Variants in TBCE observed in about 807,000 individuals in gnomAD.
TBCE encodes the protein tubulin folding cofactor E, also known as tubulin-specific chaperone E.
Under a neutral mutation model 77.0 loss-of-function variants are expected in TBCE, and 53 were observed. The observed-to-expected ratio is 0.69, with a 90% CI of 0.55 to 0.87. TBCE has a LOEUF of 0.87. Among genes scored for constraint, TBCE ranks in the 40% least tolerant of loss-of-function variants. TBCE has a pLI of 0.00. For missense variants in TBCE, 624 were observed against 622.4 expected, an observed-to-expected ratio of 1.00 and a Z score of -0.03; for synonymous variants, 235 against 241.3, an observed-to-expected ratio of 0.97 and a Z score of 0.24.
intron 1 of TBCE, among the ~76,000 whole-genome samples, chr1:235,379,042 G>A (rs1677461704): frequency 6.6e-6 from 1 of 152,060 alleles, no homozygotes; most frequent in South Asian, 2.1e-4. Context: ...GGATTCCAAG[G>A]CATCAGGTAG....
chr1:235,440,414 T>C (rs1171709779), intron 13 of TBCE, among the ~76,000 whole-genome samples: 2 of 151,804 alleles, frequency 1.3e-5, no homozygotes, highest in Non-Finnish European at 2.9e-5. Context: ...TTTTTTGAGA[T>C]GGTGTTTCGC....
intron 1 of TBCE, among the ~76,000 whole-genome samples, chr1:235,376,538 T>G (rs978261436): frequency 1.3e-5 from 2 of 152,188 alleles, no homozygotes; most frequent in African/African-American, 4.8e-5. Flanking sequence ...TGCAGTCATT[T>G]TATTCGTCCC....
At chr1:235,410,328 A>G (rs1404408633) in intron 3 of TBCE, among the ~76,000 whole-genome samples, 1 of 152,116 alleles carries the variant, frequency 6.6e-6, no homozygotes, top group Non-Finnish European at 1.5e-5. Context: ...GCCCATTTTT[A>G]TGGTTATTTC....
Position 235,419,519 on chromosome 1 carries a change from A to G in TBCE, c.418A>G (p.Ser140Gly). 1 of 1,614,036 alleles carries G rather than the reference A, an allele frequency of 6.2e-7. No homozygotes were observed. Among genetic ancestry groups the G allele is most frequent in the Non-Finnish European group, 8.5e-7 (1 of 1,180,022 alleles). Residue 140 changes from serine to glycine, a missense_variant, in exon 5 of 17, where the codon AGT becomes GGT. By Grantham distance (56) the Ser-to-Gly change is moderately conservative (BLOSUM62 0). Transcript: ENST00000642610. ...QEVSLRNCAVSCAGEKGGVAE... is the reference protein window; with the variant it reads ...QEVSLRNCAVGCAGEKGGVAE... ...AGTTTCTCTGAGGAACTGTGCAGTA[A>G]GTTGTGCTGGTGAAAAAGGAGGAGT...
Position 235,436,438 on chromosome 1 carries a change from G to C in TBCE, c.886G>C (p.Asp296His). The change falls in exon 10 of 17, where the codon GAT (aspartate) becomes CAT (histidine). Residue 296 changes from aspartate to histidine, a missense_variant. Physicochemically the swap from Asp to His is moderately conservative, Grantham distance 81 (BLOSUM62 -1). Coordinates refer to ENST00000642610, the MANE Select transcript of TBCE (RefSeq NM_003193.5). ...DTGISSLHFP[D>H]AGIGCKTSMF... ...TGGAATTTCTTCTCTACATTTTCCG[G>C]ATGCTGGAATTGGTATATAAGATTA... 6.2e-7 allele frequency: 1 copy of C among 1,614,002 alleles called. No individual in the cohort carries two copies. The highest frequency in any genetic ancestry group is 8.5e-7 in the Non-Finnish European group (1 of 1,179,956).
intron 5 of TBCE, 66 bp from the exon 6 acceptor site, chr1:235,427,067 GGAATTAA>G (rs1680762762): frequency 4.7e-6 from 5 of 1,066,654 alleles, no homozygotes; most frequent in Non-Finnish European, 7.2e-6. Flanking sequence ...CTCATGCTCT[GGAATTAA>G]GAGTAACTCC....
At position 235,439,793 on chromosome 1, in the gene TBCE, G is replaced by GC. The variant is rs776480667; in HGVS notation, c.1270+872dup. Among the ~76,000 whole-genome samples, 321 of 151,468 alleles carry GC rather than the reference G, an allele frequency of 2.1e-3. 2 individuals are homozygous for GC. The highest frequency in any genetic ancestry group is 2.7e-3 in the Non-Finnish European group (183 of 67,784). Reference sequence around the variant, plus strand: ...GTGAGCCACCGTGCGTAGCAGGAAAGCATTTCTTTTTCTTTTTTTTTCTTT... The same window carrying GC: ...GTGAGCCACCGTGCGTAGCAGGAAAGCCATTTCTTTTTCTTTTTTTTTCTTT... On this transcript the variant is annotated intron_variant, in intron 13 of 16. Transcript: ENST00000642610.
chr1:235,436,687 C>A, intron 11 of TBCE, 79 bp downstream of exon 11: 1 of 1,373,744 alleles, frequency 7.3e-7, no homozygotes. Context: ...TTCCTTCTAC[C>A]AAAAAAGTAA....
chr1:235,370,745 CTT>C (rs747282905), intron 1 of TBCE, among the ~76,000 whole-genome samples: 10 of 78,192 alleles, frequency 1.3e-4, no homozygotes, highest in Non-Finnish European at 1.3e-4. Flanking sequence ...CTTGTCTTTT[CTT>C]TTTTTTTTTT....
At chr1:235,437,578 G>T in intron 12 of TBCE, 104 bp downstream of exon 12, 1 of 1,381,658 alleles carries the variant, frequency 7.2e-7, no homozygotes, top group Non-Finnish European at 1.0e-6. Flanking sequence ...TTGGGAGGCT[G>T]GGGCAGGCTG....
intron 2 of TBCE, among the ~76,000 whole-genome samples, chr1:235,383,909 A>T (rs1389034252): frequency 1.3e-5 from 2 of 152,142 alleles, no homozygotes. Flanking sequence ...TTCAAAGGGA[A>T]TGCTTCCAGT....
chr1:235,389,102 C>T (rs993083647), intron 2 of TBCE, among the ~76,000 whole-genome samples: 4 of 152,140 alleles, frequency 2.6e-5, no homozygotes, highest in African/African-American at 9.7e-5. Flanking sequence ...GGAGATAAGT[C>T]CCAATTCTTG....
At chr1:235,445,673 T>C (rs1466262133) in intron 15 of TBCE, among the ~76,000 whole-genome samples, 1 of 152,002 alleles carries the variant, frequency 6.6e-6, no homozygotes, top group Non-Finnish European at 1.5e-5. Flanking sequence ...CAATATCTTT[T>C]TTTTTATCCA....
Position 235,402,573 on chromosome 1 carries a change from C to T in TBCE, c.185+986C>T, listed in dbSNP as rs187051723. On this transcript the variant is annotated intron_variant, in intron 3 of 16. Coordinates refer to ENST00000642610, the MANE Select transcript of TBCE (RefSeq NM_003193.5). The stretch of plus-strand genomic sequence containing the variant: ...GTATGGTACAGTGAACACAATACTG[C>T]CCTGGAAATCAGGGGGCCTCTAGCC... Among the ~76,000 whole-genome samples, 528 of 152,214 alleles carry T rather than the reference C, an allele frequency of 3.5e-3. 5 individuals carry two copies. Among genetic ancestry groups the T allele is most frequent in the African/African-American group, 0.012 (508 of 41,520 alleles).
rs1455738089 is a variant in TBCE at position 235,418,743 on chromosome 1, C to A, written c.372-730C>A. 4.6e-5 allele frequency among the ~76,000 whole-genome samples: 7 copies of A among 152,170 alleles called. 1 individual carries two copies. ...ACCGTAGTGAAATCTCACCACTGAA[C>A]AATAGACTGTTGAGGAAAAAGTCAG... is the stretch of plus-strand genomic sequence containing the variant. On this transcript the variant is annotated intron_variant, in intron 4 of 16. Transcript: ENST00000642610.
chr1:235,408,644 A>G (rs2102870724), intron 3 of TBCE, among the ~76,000 whole-genome samples: 1 of 152,332 alleles, frequency 6.6e-6, no homozygotes. Context: ...CAAGGTGCTT[A>G]TCTACTGTAC....
In TBCE at chr1:235,449,741, T is replaced by G. The variant is rs1024803757; in HGVS notation, c.*979T>G. 1 of 154,134 alleles carries G rather than the reference T, an allele frequency of 6.5e-6. No homozygotes were observed. Among genetic ancestry groups the G allele is most frequent in the Non-Finnish European group, 1.4e-5 (1 of 69,288 alleles). 9.5% of individuals were successfully genotyped at this position (154,134 alleles called of 1,614,324 possible). A position where few individuals can be genotyped will look rare whatever the true frequency, so the allele number is the denominator to read the frequency against. On this transcript the variant is annotated 3_prime_UTR_variant, in exon 17 of 17. Coordinates refer to ENST00000642610, the MANE Select transcript of TBCE (RefSeq NM_003193.5). The stretch of plus-strand genomic sequence containing the variant: ...ACCACTGCTCAAATATGTGATCACA[T>G]GATCACACAGCATTCCTGTGAGTTC...
At chr1:235,433,239 G>T in intron 7 of TBCE, 1 of 1,214,544 alleles carries the variant, frequency 8.2e-7, no homozygotes, top group South Asian at 2.4e-5. Flanking sequence ...TTTGGTTTTT[G>T]AGATGGAGTC....
chr1:235,434,248 C>T lies in TBCE; in HGVS notation c.705C>T (p.Tyr235=). The change falls in exon 8 of 17, where the codon TAC becomes TAT. Residue 235 remains tyrosine (Y), a synonymous_variant. Coordinates refer to ENST00000642610, the MANE Select transcript of TBCE (RefSeq NM_003193.5). ...VAGCPGLEEL[Y]LESNNIFISE... ...GGTGCCCAGGCCTGGAGGAACTCTA[C>T]CTTGAGTCTAACAACATTTTCATTT... is the stretch of plus-strand genomic sequence containing the variant. 6.2e-7 allele frequency: 1 copy of T among 1,614,144 alleles called. No homozygotes were observed. The highest frequency in any genetic ancestry group is 1.1e-5 in the South Asian group (1 of 91,086).
Sources: gnomAD v4.1 joint callset for allele counts (sites outside exome capture counted in the v4.1 genomes callset) on GRCh38, gnomAD v4.1.1 for gene constraint, MANE v1.5 for transcripts, NCBI Gene and HGNC (gene_info 2026-07-23, HGNC 2026-07-21) for gene names.